The following RAB25 variants were observed in gnomAD, a reference collection of about 807,000 sequenced individuals.
The protein encoded by RAB25 is ras-related protein Rab-25.
Under a neutral mutation model 25.2 loss-of-function variants are expected in RAB25, and 23 were observed. The ratio of observed to expected loss-of-function variants is 0.91; its 90% CI spans 0.66 to 1.29. The LOEUF is 1.29. RAB25 is among the 50% of genes most tolerant of loss of function. The pLI is 0.00. For synonymous variants in RAB25, 102 were observed against 111.5 expected (o/e 0.91, Z 0.54); for missense variants, 244 against 277.3 (o/e 0.88, Z 0.85).
rs1243718841 is a variant in RAB25 at position 156,065,953 on chromosome 1, T to C, written c.86T>C (p.Leu29Pro). The change falls in exon 2 of 5, where the codon CTC becomes CCC. Residue 29 changes from leucine (L) to proline (P), a missense_variant. Physicochemically the swap from Leu to Pro is moderately conservative, Grantham distance 98. Transcript: ENST00000361084. The stretch of plus-strand genomic sequence containing the variant: ...TCAGGTGTGGGGAAGACCAATCTAC[T>C]CTCCCGATTCACGCGCAATGAGTTC... Reference protein sequence around the residue: ...GESGVGKTNLLSRFTRNEFSH... With the variant: ...GESGVGKTNLPSRFTRNEFSH... 7 of 1,612,846 alleles carry C rather than the reference T, an allele frequency of 4.3e-6. No homozygotes were observed. The highest frequency in any genetic ancestry group is 5.9e-6 in the Non-Finnish European group (7 of 1,179,284).
intron 3 of RAB25, 82 bp from the exon 4 acceptor site, chr1:156,069,589 A>G (rs781676465): frequency 1.6e-5 from 18 of 1,134,422 alleles, no homozygotes; most frequent in Non-Finnish European, 2.4e-5. Flanking sequence ...AGCACATGGC[A>G]AATGTATATA....
At chr1:156,068,573 C>T in intron 3 of RAB25, 110 bp downstream of exon 3, 2 of 1,035,940 alleles carry the variant, frequency 1.9e-6, no homozygotes, top group Non-Finnish European at 2.8e-6. Context: ...GGCCTTCCTC[C>T]ATACAGTCCT....
At chr1:156,068,714 G>T (rs2102771775) in intron 3 of RAB25, among the ~76,000 whole-genome samples, 1 of 145,936 alleles carries the variant, frequency 6.9e-6, no homozygotes, top group South Asian at 2.2e-4. Flanking sequence ...TTTGAGACCG[G>T]GTCTCAATCT....
At position 156,068,351 on chromosome 1, in the gene RAB25, G is replaced by C. The variant is rs1436927508; in HGVS notation, c.321G>C (p.Leu107=). ...HQTYAVVERW[L]KELYDHAEAT... ...CCTATGCTGTGGTGGAGCGATGGCT[G>C]AAGGAGCTCTATGACCATGCTGAAG... The change falls in exon 3 of 5, where the codon CTG becomes CTC. Residue 107 remains leucine, a synonymous_variant. Transcript: ENST00000361084. 1 of 1,614,040 alleles carries C rather than the reference G, an allele frequency of 6.2e-7. No homozygotes were observed. The highest frequency in any genetic ancestry group is 1.1e-5 in the South Asian group (1 of 91,088).
intron 2 of RAB25, among the ~76,000 whole-genome samples, chr1:156,067,620 C>T (rs1647778771): frequency 6.6e-6 from 1 of 152,190 alleles, no homozygotes; most frequent in Non-Finnish European, 1.5e-5. Context: ...TTGAAGGTGG[C>T]AGAGTTGGCT....
intron 1 of RAB25, among the ~76,000 whole-genome samples, chr1:156,063,031 G>T (rs1647627004): frequency 6.9e-6 from 1 of 144,442 alleles, no homozygotes. Context: ...TCCAGCCTGG[G>T]CAACAGAGCA....
At position 156,070,429 on chromosome 1, in the gene RAB25, GC is replaced by G; in HGVS notation, c.*145del. ...ACCCTCAGGGTCTTAAGGTCTTCAT[GC>G]CCTATCACAAATACCTCTTTTATCT... On this transcript the variant is annotated 3_prime_UTR_variant, in exon 5 of 5. Coordinates refer to ENST00000361084, the MANE Select transcript of RAB25 (RefSeq NM_020387.4). 9.1e-7 allele frequency: 1 copy of G among 1,095,780 alleles called. No individual in the cohort carries two copies. Among genetic ancestry groups the G allele is most frequent in the East Asian group, 2.6e-5 (1 of 39,052 alleles). The allele number at this position is 1,095,780 out of a possible 1,614,324, so 67.9% of individuals were successfully genotyped here.
In RAB25 at chr1:156,068,384, C is replaced by G. The variant is rs752329690; in HGVS notation, c.354C>G (p.Ile118Met). The G allele has an allele frequency of 6.2e-7, 1 of 1,613,992 alleles. No individual in the cohort carries two copies. The highest frequency in any genetic ancestry group is 1.7e-5 in the Admixed American group (1 of 60,000). ...KELYDHAEATIVVMLVGNKSD... is the reference protein window; with the variant it reads ...KELYDHAEATMVVMLVGNKSD... Reference sequence around the variant, plus strand: ...TCTATGACCATGCTGAAGCCACGATCGTCGTCATGCTCGTGGGTAACAAAA... The same window carrying G: ...TCTATGACCATGCTGAAGCCACGATGGTCGTCATGCTCGTGGGTAACAAAA... Residue 118 changes from isoleucine (I) to methionine (M), a missense_variant, in exon 3 of 5, where the codon ATC becomes ATG. Ile to Met is a conservative substitution (Grantham distance 10). Transcript: ENST00000361084.
intron 1 of RAB25, among the ~76,000 whole-genome samples, chr1:156,062,964 G>A (rs1647625690): frequency 6.8e-6 from 1 of 147,090 alleles, no homozygotes; most frequent in Non-Finnish European, 1.5e-5. Flanking sequence ...TGAGACAGGA[G>A]AATCACTTGA....
chr1:156,064,617 G>A (rs904773077), intron 1 of RAB25, among the ~76,000 whole-genome samples: 2 of 152,076 alleles, frequency 1.3e-5, no homozygotes, highest in East Asian at 3.8e-4. Context: ...GTTTCACCGT[G>A]TTACCCAGGG....
intron 2 of RAB25, among the ~76,000 whole-genome samples, chr1:156,067,914 G>A (rs1275480966): frequency 6.6e-5 from 10 of 152,148 alleles, no homozygotes; most frequent in East Asian, 1.9e-4. Flanking sequence ...CATCATGCCC[G>A]GCTAATTTTT....
chr1:156,064,830 G>C (rs1647694478), intron 1 of RAB25, among the ~76,000 whole-genome samples: 1 of 152,206 alleles, frequency 6.6e-6, no homozygotes, highest in Non-Finnish European at 1.5e-5. Context: ...GCTGAGCAGG[G>C]ACCAGAGCCC....
At chr1:156,066,507 GC>G (rs1388968395) in intron 2 of RAB25, among the ~76,000 whole-genome samples, 2 of 152,122 alleles carry the variant, frequency 1.3e-5, no homozygotes, top group African/African-American at 4.8e-5. Context: ...GATCGAGAGC[GC>G]CCCCTCACTT....
rs1558097560 is a variant in RAB25 at position 156,066,091 on chromosome 1, G to GAGCC, written c.226_229dup (p.Ile77SerfsTer18). On this transcript the variant is annotated frameshift_variant, in exon 2 of 5. Coordinates refer to ENST00000361084, the MANE Select transcript of RAB25 (RefSeq NM_020387.4). LOFTEE classifies it high-confidence loss of function. ...GACACAGCTGGCCTGGAGCGGTACC[G>GAGCC]AGCCATCACCTCGGCGTGAGCCCGG... is the stretch of plus-strand genomic sequence containing the variant. The GAGCC allele has an allele frequency of 6.3e-7, 1 of 1,594,630 alleles. No individual in the cohort carries two copies. Among genetic ancestry groups the GAGCC allele is most frequent in the Non-Finnish European group, 8.6e-7 (1 of 1,166,524 alleles).
At chr1:156,062,175 A>G (rs1226310797) in intron 1 of RAB25, among the ~76,000 whole-genome samples, 2 of 152,182 alleles carry the variant, frequency 1.3e-5, no homozygotes, top group Admixed American at 1.3e-4. Flanking sequence ...GAAAGGAGAG[A>G]CACATCCCAT....
chr1:156,065,102 C>T (rs1017150126), intron 1 of RAB25, among the ~76,000 whole-genome samples: 7 of 152,160 alleles, frequency 4.6e-5, no homozygotes, highest in Non-Finnish European at 7.3e-5. Context: ...AAAACTCTGG[C>T]CTGCTAACAA....
At chr1:156,070,080 C>A in intron 4 of RAB25, 80 bp from the exon 5 acceptor site, 1 of 1,605,756 alleles carries the variant, frequency 6.2e-7, no homozygotes. Context: ...AAGGGGCATG[C>A]AGTATGTATG....
intron 4 of RAB25, 129 bp downstream of exon 4, chr1:156,069,880 G>C: frequency 1.1e-6 from 1 of 945,698 alleles, no homozygotes; most frequent in Non-Finnish European, 1.7e-6. Context: ...TGGCACCACT[G>C]CCTGTCCCCC....
intron 3 of RAB25, among the ~76,000 whole-genome samples, chr1:156,069,178 ATTCTTT>A (rs943882527): frequency 1.3e-5 from 2 of 151,818 alleles, no homozygotes; most frequent in African/African-American, 2.4e-5. Context: ...CAATTTCCTT[ATTCTTT>A]TTCTTTTTCT....
Sources: gnomAD v4.1 joint callset for allele counts (sites outside exome capture counted in the v4.1 genomes callset) on GRCh38, gnomAD v4.1.1 for gene constraint, MANE v1.5 for transcripts, NCBI Gene and HGNC (gene_info 2026-07-23, HGNC 2026-07-21) for gene names.